SPMIP4: variants seen among roughly 807,000 people sequenced by gnomAD.
SPMIP4 encodes sperm microtubule inner protein 4.
the SPMIP4 span, among the ~76,000 whole-genome samples, chr7:25,139,883 T>G: frequency 6.6e-6 from 1 of 152,236 alleles, no homozygotes; most frequent in Non-Finnish European, 1.5e-5. Flanking sequence ...TTCTTTATGG[T>G]TTAATCAGAA....
chr7:25,168,319 T>C, the SPMIP4 span: 4 of 1,607,864 alleles, frequency 2.5e-6, no homozygotes, highest in Non-Finnish European at 3.4e-6. Context: ...AAATCCATAA[T>C]GCTGATGTCC....
At chr7:25,135,256 G>C in the SPMIP4 span, 2 of 909,652 alleles carry the variant, frequency 2.2e-6, no homozygotes, top group South Asian at 5.0e-5. Flanking sequence ...TAAGGCCATT[G>C]CTAGATCTTC....
chr7:25,130,580 CTGGGATTATAGG>C, the SPMIP4 span, among the ~76,000 whole-genome samples: 1 of 152,158 alleles, frequency 6.6e-6, no homozygotes, highest in Non-Finnish European at 1.5e-5. Context: ...TCCCAAAGTG[CTGGGATTATAGG>C]TGTGAGCCAC....
the SPMIP4 span, chr7:25,151,607 C>T: frequency 6.3e-7 from 1 of 1,597,360 alleles, no homozygotes; most frequent in South Asian, 1.1e-5. Flanking sequence ...TCATAATATA[C>T]ACCTTGACCT....
chr7:25,150,087 G>A, the SPMIP4 span, among the ~76,000 whole-genome samples: 4 of 152,178 alleles, frequency 2.6e-5, no homozygotes, highest in Non-Finnish European at 5.9e-5. Flanking sequence ...AGTGGGTGGG[G>A]CCAGGCTGCA....
chr7:25,163,862 T>G, the SPMIP4 span, among the ~76,000 whole-genome samples: 1 of 152,220 alleles, frequency 6.6e-6, no homozygotes. The surrounding 1 kb of genome is among the most constrained non-coding windows in gnomAD (Gnocchi z 4.4). Flanking sequence ...ACATCATCAG[T>G]AAACTTACTA....
At chr7:25,161,357 A>G in the SPMIP4 span, 241,653 of 551,156 alleles carry the variant, frequency 0.44, 57,518 homozygotes, top group Non-Finnish European at 0.51. Context: ...ACATATCCAC[A>G]TATATGTAGA....
the SPMIP4 span, among the ~76,000 whole-genome samples, chr7:25,174,801 G>A: frequency 6.6e-6 from 1 of 152,158 alleles, no homozygotes; most frequent in African/African-American, 2.4e-5. The surrounding 1 kb of genome is among the most constrained non-coding windows in gnomAD (Gnocchi z 4.5). Context: ...TAGGAATCTT[G>A]ATGATTTTGA....
At chr7:25,134,578 G>A in the SPMIP4 span, 2 of 695,270 alleles carry the variant, frequency 2.9e-6, no homozygotes, top group African/African-American at 3.9e-5. Context: ...GGTAGGCAGA[G>A]TGAACACCAT....
the SPMIP4 span, among the ~76,000 whole-genome samples, chr7:25,138,462 C>T: frequency 6.6e-6 from 1 of 152,180 alleles, no homozygotes; most frequent in African/African-American, 2.4e-5. The surrounding 1 kb of genome is among the most constrained non-coding windows in gnomAD (Gnocchi z 6.2). Flanking sequence ...AACTACTAGG[C>T]TCAAGCAATC....
chr7:25,135,981 G>A, the SPMIP4 span: 219 of 1,590,578 alleles, frequency 1.4e-4, 1 homozygote, highest in Non-Finnish European at 1.8e-4. Flanking sequence ...CTCAATTATA[G>A]AAATAATAGG....
At chr7:25,173,232 A>C in the SPMIP4 span, among the ~76,000 whole-genome samples, 1 of 152,170 alleles carries the variant, frequency 6.6e-6, no homozygotes, top group African/African-American at 2.4e-5. This position sits in a 1 kb window ranked among gnomAD's most constrained non-coding sequence, Gnocchi z 4.4. Flanking sequence ...CCCACCTGTA[A>C]TAATTGTTGA....
At chr7:25,169,421 C>A in the SPMIP4 span, among the ~76,000 whole-genome samples, 1,553 of 152,240 alleles carry the variant, frequency 0.01, 27 homozygotes, top group African/African-American at 0.035. Flanking sequence ...TTATACTAAT[C>A]TACTTTCTGT....
At chr7:25,147,402 G>A in the SPMIP4 span, among the ~76,000 whole-genome samples, 2 of 152,204 alleles carry the variant, frequency 1.3e-5, no homozygotes, top group South Asian at 2.1e-4. Flanking sequence ...TCAGTGGGAA[G>A]AGAAGGGTAG....
the SPMIP4 span, among the ~76,000 whole-genome samples, chr7:25,138,759 A>G: frequency 6.6e-6 from 1 of 152,252 alleles, no homozygotes; most frequent in Non-Finnish European, 1.5e-5. This position sits in a 1 kb window ranked among gnomAD's most constrained non-coding sequence, Gnocchi z 6.2. Flanking sequence ...CTCCCAAAAC[A>G]AAAACATATG....
the SPMIP4 span, chr7:25,179,548 A>C: frequency 2.8e-6 from 1 of 360,804 alleles, no homozygotes; most frequent in African/African-American, 2.1e-5. Flanking sequence ...GGTGCCTCCA[A>C]GTAGTCACCA....
chr7:25,145,975 A>G, the SPMIP4 span, among the ~76,000 whole-genome samples: 2 of 152,070 alleles, frequency 1.3e-5, no homozygotes, highest in East Asian at 1.9e-4. Context: ...TAACCAGGTT[A>G]AATAGGGGAG....
chr7:25,177,926 C>T, the SPMIP4 span, among the ~76,000 whole-genome samples: 1 of 152,122 alleles, frequency 6.6e-6, no homozygotes, highest in African/African-American at 2.4e-5. Flanking sequence ...GCATAGTACC[C>T]AAGAGGTAGT....
At chr7:25,162,028 T>C in the SPMIP4 span, among the ~76,000 whole-genome samples, 1 of 152,066 alleles carries the variant, frequency 6.6e-6, no homozygotes, top group Non-Finnish European at 1.5e-5. Flanking sequence ...CTTAGCACTG[T>C]GGGAGGCTGA....
Sources: gnomAD v4.1 joint callset for allele counts (sites outside exome capture counted in the v4.1 genomes callset) on GRCh38, gnomAD v4.1.1 for gene constraint, Gnocchi (gnomAD v3.1) non-coding constraint, MANE v1.5 for transcripts, NCBI Gene and HGNC (gene_info 2026-07-23, HGNC 2026-07-21) for gene names.